PTK2: variants seen among roughly 807,000 people sequenced by gnomAD.
PTK2 encodes the protein focal adhesion kinase 1.
Under a neutral mutation model 150.1 loss-of-function variants are expected in PTK2, and 45 were observed. That is an observed-to-expected ratio of 0.30 (90% CI 0.24 to 0.38). The LOEUF is 0.38. Among genes scored for constraint, PTK2 ranks in the 10% least tolerant of loss-of-function variants. The pLI is 1.00. For synonymous variants in PTK2, 432 were observed against 449.2 expected (o/e 0.96, Z 0.48); for missense variants, 919 against 1,307.3 (o/e 0.70, Z 4.58).
chr8:140,697,836 C>T (rs1283334913), intron 26 of PTK2, among the ~76,000 whole-genome samples: 3 of 147,364 alleles, frequency 2.0e-5, no homozygotes, highest in African/African-American at 7.5e-5. Context: ...TGATCCTCCT[C>T]CCTTTAGGGT....
At chr8:140,808,703 A>G (rs1271528746) in intron 10 of PTK2, among the ~76,000 whole-genome samples, 4 of 151,838 alleles carry the variant, frequency 2.6e-5, no homozygotes, top group Non-Finnish European at 4.4e-5. Context: ...TATAATGAAA[A>G]AGAGAAATAA....
At chr8:140,965,238 A>C (rs891201774) in intron 1 of PTK2, among the ~76,000 whole-genome samples, 1 of 152,160 alleles carries the variant, frequency 6.6e-6, no homozygotes, top group Non-Finnish European at 1.5e-5. Flanking sequence ...TGGCAAAACT[A>C]AACTATTGTC....
intron 27 of PTK2, among the ~76,000 whole-genome samples, chr8:140,682,150 G>C (rs768840158): frequency 6.6e-6 from 1 of 152,140 alleles, no homozygotes; most frequent in Non-Finnish European, 1.5e-5. Flanking sequence ...TAGCAAATGG[G>C]CCAGGTGGAT....
chr8:140,744,723 T>C (rs144115485), exon 19 of PTK2: 289 of 1,608,372 alleles, frequency 1.8e-4, no homozygotes, highest in Non-Finnish European at 2.4e-4. Context: ...GGATCAAAGA[T>C]GCTAGATCCA....
At chr8:140,729,163 A>C (rs902933635) in intron 22 of PTK2, among the ~76,000 whole-genome samples, 13 of 152,254 alleles carry the variant, frequency 8.5e-5, no homozygotes, top group African/African-American at 3.1e-4. Context: ...GTTTTGTTTG[A>C]TAAAGTTAAG....
chr8:140,867,503 G>A (rs1407108706), intron 4 of PTK2, among the ~76,000 whole-genome samples: 1 of 152,178 alleles, frequency 6.6e-6, no homozygotes, highest in East Asian at 1.9e-4. Context: ...CTTAACTCAA[G>A]CCTGCTTATG....
At chr8:140,800,370 C>T (rs1005757577) in intron 12 of PTK2, 89 bp downstream of exon 12, 2 of 1,040,158 alleles carry the variant, frequency 1.9e-6, no homozygotes, top group Non-Finnish European at 3.0e-6. Flanking sequence ...TTTACAGTTA[C>T]CTAAAAGAGG....
intron 14 of PTK2, among the ~76,000 whole-genome samples, chr8:140,769,015 C>A (rs1199890345): frequency 1.3e-5 from 2 of 152,018 alleles, no homozygotes; most frequent in Non-Finnish European, 2.9e-5. Context: ...TTCATGCAAG[C>A]AGTATATGAA....
At chr8:140,844,818 C>A (rs2100124369) in intron 7 of PTK2, among the ~76,000 whole-genome samples, 1 of 152,040 alleles carries the variant, frequency 6.6e-6, no homozygotes, top group Admixed American at 6.5e-5. Context: ...TGAAATAAAC[C>A]AACATTTATC....
rs529636758 is a variant in PTK2 at position 140,998,768 on chromosome 8, G to A, written c.-122+2357C>T. The stretch of plus-strand genomic sequence containing the variant: ...CGGGCAGTGGAGCTTGCAGTGAGCC[G>A]AGATCGCACCACTGCACTCCAGCCT... On this transcript the variant is annotated intron_variant, in intron 1 of 31. Transcript: ENST00000522684. Among the ~76,000 whole-genome samples the A allele has an allele frequency of 6.1e-5, 9 of 147,838 alleles. No individual in the cohort carries two copies. In the East Asian group the frequency reaches 8.0e-4, roughly 13 times the overall value.
chr8:140,952,735 C>T (rs2100179928), intron 1 of PTK2, among the ~76,000 whole-genome samples: 1 of 152,100 alleles, frequency 6.6e-6, no homozygotes, highest in Non-Finnish European at 1.5e-5. Flanking sequence ...ACTCTATGAA[C>T]CTATCTGTCC....
In PTK2 at chr8:140,846,920, T is replaced by C. The variant is rs144196584; in HGVS notation, c.451-242A>G. Among the ~76,000 whole-genome samples, 627 of 152,306 alleles carry C rather than the reference T, an allele frequency of 4.1e-3. 4 individuals are homozygous for C. The highest frequency in any genetic ancestry group is 0.015 in the African/African-American group (605 of 41,566). ...TTTCTTCAGTACCTTTCATATAGTT[T>C]ACATTGTGTCGGTAATTATGCCTGA... On this transcript the variant is annotated intron_variant, in intron 5 of 31. Coordinates refer to ENST00000522684, the Ensembl canonical transcript of PTK2.
At chr8:140,762,066 A>G (rs1441839933) in intron 15 of PTK2, among the ~76,000 whole-genome samples, 1 of 152,180 alleles carries the variant, frequency 6.6e-6, no homozygotes, top group Non-Finnish European at 1.5e-5. Context: ...ACTCATCTCC[A>G]TAGGTTATTG....
chr8:140,735,388 T>A (rs752584371), exon 22 of PTK2: 1 of 1,614,000 alleles, frequency 6.2e-7, no homozygotes, highest in East Asian at 2.2e-5. Flanking sequence ...TTCGACCGAT[T>A]ACATCATTGT....
chr8:141,000,540 T>C (rs2100199739), intron 1 of PTK2, among the ~76,000 whole-genome samples: 1 of 152,148 alleles, frequency 6.6e-6, no homozygotes, highest in Admixed American at 6.5e-5. Flanking sequence ...TTTTCAGGCA[T>C]TGGGTCCGCT....
chr8:140,945,576 T>C (rs10102796), intron 1 of PTK2, among the ~76,000 whole-genome samples: 63,403 of 146,394 alleles, frequency 0.43, 15,196 homozygotes, highest in Non-Finnish European at 0.56. Flanking sequence ...GGTGACAAAA[T>C]GAGACCTTTA....
At chr8:140,905,013 A>G (rs1239764415) in intron 2 of PTK2, among the ~76,000 whole-genome samples, 2 of 151,932 alleles carry the variant, frequency 1.3e-5, no homozygotes, top group African/African-American at 2.4e-5. Flanking sequence ...CTCTAATCTT[A>G]GTTATTTCTT....
At chr8:140,854,350 C>T (rs1012053902) in intron 5 of PTK2, among the ~76,000 whole-genome samples, 7 of 152,190 alleles carry the variant, frequency 4.6e-5, no homozygotes, top group African/African-American at 1.7e-4. Context: ...ATTAATATGA[C>T]TTCTTGACTA....
intron 27 of PTK2, among the ~76,000 whole-genome samples, chr8:140,679,060 T>C (rs920754454): frequency 1.7e-5 from 2 of 118,152 alleles, no homozygotes; most frequent in African/African-American, 3.2e-5. Flanking sequence ...ACTCTTGCTC[T>C]GTCGCCCAGG....
Sources: gnomAD v4.1 joint callset for allele counts (sites outside exome capture counted in the v4.1 genomes callset) on GRCh38, gnomAD v4.1.1 for gene constraint, MANE v1.5 for transcripts, NCBI Gene and HGNC (gene_info 2026-07-23, HGNC 2026-07-21) for gene names.